Variants in TMC1 observed in about 807,000 individuals in gnomAD.
The protein encoded by TMC1 is transmembrane channel-like protein 1.
A neutral mutation model predicts 105.8 loss-of-function variants in TMC1; 84 were observed. The ratio of observed to expected loss-of-function variants is 0.79; its 90% CI spans 0.67 to 0.95. The LOEUF (loss-of-function observed/expected upper bound fraction) is 0.95, where lower values mean the gene tolerates loss of function less well. Among genes scored for constraint, TMC1 ranks in the 40% least tolerant of loss-of-function variants. The pLI is 0.00. For missense variants in TMC1, 817 were observed against 914.1 expected (o/e 0.89, Z 1.37); for synonymous variants, 315 against 311.5 (o/e 1.01, Z -0.12).
At chr9:72,695,961 T>C (rs539214069) in intron 7 of TMC1, among the ~76,000 whole-genome samples, 2 of 152,326 alleles carry the variant, frequency 1.3e-5, no homozygotes, top group Admixed American at 6.5e-5. Flanking sequence ...GTCCCATGTA[T>C]TACTATGATT....
chr9:72,808,743 T>C (rs1432913277), intron 18 of TMC1: 4 of 152,270 alleles, frequency 2.6e-5, no homozygotes, highest in Admixed American at 2.0e-4. Context: ...TTTTGAGTTA[T>C]TGAGCCAGTA....
At chr9:72,824,732 AAACCCAAC>A (rs1345615249) in intron 20 of TMC1, among the ~76,000 whole-genome samples, 1 of 152,262 alleles carries the variant, frequency 6.6e-6, no homozygotes, top group Non-Finnish European at 1.5e-5. Context: ...GACAGTATAG[AAACCCAAC>A]TAGGAAAGGG....
At chr9:72,611,926 C>G (rs1417491972) in intron 2 of TMC1, among the ~76,000 whole-genome samples, 1 of 152,036 alleles carries the variant, frequency 6.6e-6, no homozygotes, top group Admixed American at 6.6e-5. Flanking sequence ...CGCTCTGTCC[C>G]CCACGGCCAT....
intron 8 of TMC1, among the ~76,000 whole-genome samples, chr9:72,720,029 G>T (rs1826994919): frequency 1.3e-5 from 2 of 152,160 alleles, no homozygotes; most frequent in Admixed American, 1.3e-4. Context: ...TAAAGTTATT[G>T]AGATAATTAA....
rs371636411 is a variant in TMC1 at position 72,631,438 on chromosome 9, G to A, written c.-53+3375G>A. On this transcript the variant is annotated intron_variant, in intron 4 of 23. Coordinates refer to ENST00000297784, the MANE Select transcript of TMC1 (RefSeq NM_138691.3). ...TCTTTTGGGATAGCTCTGCTGAACT[G>A]GAATGAGATCTTCTTCCCCAGAGCC... Among the ~76,000 whole-genome samples the A allele has an allele frequency of 3.0e-3, 450 of 152,264 alleles. 5 individuals are homozygous for A. Among genetic ancestry groups the A allele is most frequent in the African/African-American group, 0.01 (427 of 41,554 alleles).
intron 10 of TMC1, among the ~76,000 whole-genome samples, chr9:72,751,508 C>G (rs1474373792): frequency 6.6e-6 from 1 of 152,208 alleles, no homozygotes; most frequent in Non-Finnish European, 1.5e-5. Flanking sequence ...GCTCAGTTAT[C>G]AGTATTAACT....
rs374127850 is a variant in TMC1, at chr9:72,745,508, T to G, written c.535+2983T>G. Among the ~76,000 whole-genome samples, 124 of 152,306 alleles carry G rather than the reference T, an allele frequency of 8.1e-4. 2 individuals are homozygous for G. In the South Asian group the frequency reaches 0.025, roughly 31 times the overall value. ...AGGAATTATTTTTCATTTTCTCATG[T>G]ATTTACTTTTTAGTGAGTGATTTAT... On this transcript the variant is annotated intron_variant, in intron 10 of 23. Transcript: ENST00000297784.
intron 4 of TMC1, among the ~76,000 whole-genome samples, chr9:72,644,382 T>C (rs1293974531): frequency 1.3e-5 from 2 of 152,140 alleles, no homozygotes; most frequent in African/African-American, 4.8e-5. Flanking sequence ...AGAAGTTTTA[T>C]AGTTTTAGGT....
At chr9:72,603,699 G>C (rs368129432) in intron 2 of TMC1, among the ~76,000 whole-genome samples, 1 of 151,564 alleles carries the variant, frequency 6.6e-6, no homozygotes. Context: ...ACAGGCCCCC[G>C]CCACCATGTC....
intron 2 of TMC1, among the ~76,000 whole-genome samples, chr9:72,593,615 CGCCCGATCTCAGGTGATCT>C (rs1196238765): frequency 6.6e-6 from 1 of 151,618 alleles, no homozygotes; most frequent in Non-Finnish European, 1.5e-5. Context: ...TGGTCTTGAA[CGCCCGATCTCAGGTGATCT>C]GCCCACCTCG....
chr9:72,721,884 CCTGTCA>C (rs1827033515), intron 8 of TMC1, among the ~76,000 whole-genome samples: 1 of 152,122 alleles, frequency 6.6e-6, no homozygotes, highest in South Asian at 2.1e-4. Context: ...TTTTTAAATA[CCTGTCA>C]TCCCCATGTT....
At chr9:72,652,538 A>G (rs1289387280) in intron 5 of TMC1, among the ~76,000 whole-genome samples, 1 of 152,192 alleles carries the variant, frequency 6.6e-6, no homozygotes, top group African/African-American at 2.4e-5. Flanking sequence ...GGGAGTAGAC[A>G]GTTACCAGAG....
At chr9:72,542,008 T>C (rs1232973289) in intron 1 of TMC1, among the ~76,000 whole-genome samples, 1 of 151,902 alleles carries the variant, frequency 6.6e-6, no homozygotes, top group African/African-American at 2.4e-5. Context: ...GGTGAGGTAT[T>C]TGCAATACTA....
intron 8 of TMC1, among the ~76,000 whole-genome samples, chr9:72,725,864 G>A (rs770948180): frequency 6.6e-6 from 1 of 151,880 alleles, no homozygotes; most frequent in South Asian, 2.1e-4. Flanking sequence ...CTAATTTTTT[G>A]TATTTTTAGT....
chr9:72,829,797 TAAGTG>T (rs1374289959), intron 21 of TMC1, among the ~76,000 whole-genome samples: 2 of 152,218 alleles, frequency 1.3e-5, no homozygotes, highest in African/African-American at 4.8e-5. Flanking sequence ...CGTTTTGCCT[TAAGTG>T]AAGATAAGCA....
At chr9:72,537,194 T>C (rs772591862) in intron 1 of TMC1, among the ~76,000 whole-genome samples, 68 of 152,204 alleles carry the variant, frequency 4.5e-4, no homozygotes, top group Admixed American at 1.1e-3. Context: ...AGGCTTGTCC[T>C]GCAAAATTAT....
chr9:72,831,960 T>TATAAATCATGC, intron 23 of TMC1, among the ~76,000 whole-genome samples: 1 of 151,434 alleles, frequency 6.6e-6, no homozygotes. Context: ...CCCAAAGGAT[T>TATAAATCATGC]TTTTTTCTTT....
chr9:72,603,207 T>C (rs763154691), intron 2 of TMC1, among the ~76,000 whole-genome samples: 21 of 152,210 alleles, frequency 1.4e-4, no homozygotes, highest in African/African-American at 1.7e-4. Flanking sequence ...ACATACTTCA[T>C]TGGCTTATTA....
chr9:72,771,130 G>C (rs555404690), intron 12 of TMC1, among the ~76,000 whole-genome samples: 1 of 152,294 alleles, frequency 6.6e-6, no homozygotes, highest in East Asian at 1.9e-4. Context: ...GTGGCCCAGG[G>C]AAACCCAGAC....
Sources: allele counts gnomAD v4.1 joint callset (sites outside exome capture counted in the v4.1 genomes callset), GRCh38; gene constraint gnomAD v4.1.1; transcripts MANE v1.5; gene names NCBI Gene and HGNC (gene_info 2026-07-23, HGNC 2026-07-21).